Variants in SATB2 observed in about 807,000 individuals in gnomAD.
SATB2 encodes SATB homeobox 2.
In SATB2, 1 loss-of-function variant was observed where a neutral mutation model predicts 73.4. That is an observed-to-expected ratio of 0.01 (90% CI 0.00 to 0.06). SATB2 has a LOEUF of 0.06. Ranked by LOEUF, SATB2 falls within the 10% of genes least tolerant of loss-of-function variation. The pLI is 1.00. For missense variants in SATB2, 459 were observed against 945.8 expected (o/e 0.49, Z 6.75); for synonymous variants, 397 against 367.0 (o/e 1.08, Z -0.93).
At position 199,323,723 on chromosome 2, in the gene SATB2, A is replaced by G. The variant is rs972815817; in HGVS notation, c.1542+80T>C. The stretch of plus-strand genomic sequence containing the variant: ...TTATTACTGTTATTATTATTATAGG[A>G]ACAGATGTATTTTTATTGGTGGAGG... On this transcript the variant is annotated intron_variant, in intron 9 of 10. Coordinates refer to ENST00000417098, the MANE Select transcript of SATB2 (RefSeq NM_001172509.2). The G allele has an allele frequency of 3.4e-5, 46 of 1,348,018 alleles. 1 individual carries two copies. The Middle Eastern group carries it at 7.2e-4, about 21-fold the overall frequency. The allele number at this position is 1,348,018 out of a possible 1,614,324, so 83.5% of individuals were successfully genotyped here. A position where few individuals can be genotyped will look rare whatever the true frequency, so the allele number is the denominator to read the frequency against.
intron 3 of SATB2, among the ~76,000 whole-genome samples, chr2:199,421,667 C>T (rs1301128869): frequency 6.6e-6 from 1 of 152,116 alleles, no homozygotes; most frequent in Non-Finnish European, 1.5e-5. Flanking sequence ...GGAAAATGAA[C>T]AAAATGTGGG....
At chr2:199,381,603 AATAG>A (rs1400961297) in intron 4 of SATB2, 87 bp downstream of exon 4, 4 of 1,518,426 alleles carry the variant, frequency 2.6e-6, no homozygotes, top group Non-Finnish European at 3.7e-6. Flanking sequence ...TCCAGAAATT[AATAG>A]ACAGGACATG....
At chr2:199,344,556 G>A (rs1273460113) in intron 7 of SATB2, among the ~76,000 whole-genome samples, 1 of 152,140 alleles carries the variant, frequency 6.6e-6, no homozygotes, top group Non-Finnish European at 1.5e-5. Context: ...AGAGTCAAGG[G>A]AACAAGAGAT....
rs1040468512 is a variant in SATB2 at position 199,269,713 on chromosome 2, C to T, written c.*2498G>A. 5 of 120,168 alleles carry T rather than the reference C, an allele frequency of 4.2e-5. No homozygotes were observed. The highest frequency in any genetic ancestry group is 2.5e-4 in the East Asian group (1 of 4,028). The allele number at this position is 120,168 out of a possible 1,614,324, so 7.4% of individuals were successfully genotyped here. A position where few individuals can be genotyped will look rare whatever the true frequency, so the allele number is the denominator to read the frequency against. ...TTCATTTCACAAAAAAAAAAAAAGGCGGGAAATTGTGCTTTGTCAAGAGGC... is the reference window on the plus strand; with the variant it reads ...TTCATTTCACAAAAAAAAAAAAAGGTGGGAAATTGTGCTTTGTCAAGAGGC... On this transcript the variant is annotated 3_prime_UTR_variant, in exon 11 of 11. Transcript: ENST00000417098.
chr2:199,317,171 C>T (rs961708), intron 9 of SATB2, among the ~76,000 whole-genome samples: 2,743 of 152,016 alleles, frequency 0.018, 110 homozygotes, highest in African/African-American at 0.062. Flanking sequence ...GCAACTAGGG[C>T]ATGAAATGTA....
At chr2:199,421,918 C>A (rs958876225) in intron 3 of SATB2, among the ~76,000 whole-genome samples, 9 of 152,224 alleles carry the variant, frequency 5.9e-5, no homozygotes, top group Admixed American at 2.6e-4. Context: ...TGTATCTGCA[C>A]ATAAATGTTG....
At chr2:199,279,145 G>T (rs1692405150) in intron 10 of SATB2, among the ~76,000 whole-genome samples, 1 of 152,200 alleles carries the variant, frequency 6.6e-6, no homozygotes, top group Admixed American at 6.5e-5. Flanking sequence ...TGGCAATGAA[G>T]AATGAGAAGT....
chr2:199,312,881 C>T (rs1330188562), intron 9 of SATB2, among the ~76,000 whole-genome samples: 1 of 151,956 alleles, frequency 6.6e-6, no homozygotes, highest in Non-Finnish European at 1.5e-5. Flanking sequence ...CAAACAAACC[C>T]AAACTGAGAA....
At chr2:199,400,606 A>C (rs1389036460) in intron 3 of SATB2, among the ~76,000 whole-genome samples, 1 of 152,248 alleles carries the variant, frequency 6.6e-6, no homozygotes, top group Non-Finnish European at 1.5e-5. Flanking sequence ...ATGGTAAGAC[A>C]ATGATTATAA....
chr2:199,319,392 T>C (rs942120390), intron 9 of SATB2, among the ~76,000 whole-genome samples: 17 of 152,116 alleles, frequency 1.1e-4, no homozygotes. Flanking sequence ...TGGTTCCCTG[T>C]TGGTTCCAAA....
Position 199,321,612 on chromosome 2 carries a change from G to C in SATB2, c.1542+2191C>G, listed in dbSNP as rs146420651. The stretch of plus-strand genomic sequence containing the variant: ...CACACATAGATACACCTTATGGATA[G>C]CCACCAAATATATATGCCATGTACC... On this transcript the variant is annotated intron_variant, in intron 9 of 10. Coordinates refer to ENST00000417098, the MANE Select transcript of SATB2 (RefSeq NM_001172509.2). 6.3e-3 allele frequency among the ~76,000 whole-genome samples: 949 copies of C among 151,174 alleles called. 11 individuals are homozygous for C. Among genetic ancestry groups the C allele is most frequent in the African/African-American group, 0.021 (886 of 41,260 alleles).
chr2:199,329,262 G>C, intron 7 of SATB2: 1 of 293,298 alleles, frequency 3.4e-6, no homozygotes, highest in South Asian at 4.2e-5. Context: ...CTCTCTGCTT[G>C]AAACTGGGAA....
At chr2:199,461,723 G>C (rs368175845), upstream of SATB2, among the ~76,000 whole-genome samples, 1 of 152,112 alleles carries the variant, frequency 6.6e-6, no homozygotes, top group African/African-American at 2.4e-5. Flanking sequence ...GTAAAAGGCC[G>C]CCTGTTTTTC....
intron 3 of SATB2, among the ~76,000 whole-genome samples, chr2:199,428,837 G>A (rs922211886): frequency 4.0e-5 from 6 of 151,818 alleles, no homozygotes; most frequent in Non-Finnish European, 7.4e-5. Flanking sequence ...AGGATACTTC[G>A]TCTCTACAAA....
chr2:199,402,446 T>C (rs1690511067), intron 3 of SATB2, among the ~76,000 whole-genome samples: 1 of 152,010 alleles, frequency 6.6e-6, no homozygotes, highest in African/African-American at 2.4e-5. Flanking sequence ...TAGTCTCAGC[T>C]ACCCGAAAGG....
intron 3 of SATB2, among the ~76,000 whole-genome samples, chr2:199,401,049 C>T (rs929768104): frequency 6.6e-6 from 1 of 152,078 alleles, no homozygotes; most frequent in Non-Finnish European, 1.5e-5. Context: ...ATCTTTTGAA[C>T]ATAAAAAGCT....
In SATB2 at chr2:199,455,956, G is replaced by C. The variant is rs1559066045; in HGVS notation, c.82C>G (p.Pro28Ala). The C allele has an allele frequency of 6.5e-7, 1 of 1,538,744 alleles. No homozygotes were observed. The highest frequency in any genetic ancestry group is 8.7e-7 in the Non-Finnish European group (1 of 1,147,556). ...TGCTCCAGCCGGGCCACCTTCACTG[G>C]GGGAGGCCCCTTGACGTCCGGGCTG... ...SGSPDVKGPP[P>A]VKVARLEQNG... Residue 28 changes from proline (P) to alanine (A), a missense_variant, in exon 2 of 11, where the codon CCA becomes GCA. Coordinates refer to ENST00000417098, the MANE Select transcript of SATB2 (RefSeq NM_001172509.2). The surrounding 1 kb of genome is among the most constrained non-coding windows in gnomAD (Gnocchi z 4.1).
At chr2:199,300,454 T>C (rs1687250719) in intron 10 of SATB2, among the ~76,000 whole-genome samples, 1 of 151,574 alleles carries the variant, frequency 6.6e-6, no homozygotes, top group Non-Finnish European at 1.5e-5. Context: ...AGGAAAAAAC[T>C]ATGAAAACAT....
At chr2:199,367,165 G>A (rs1304776267) in intron 6 of SATB2, among the ~76,000 whole-genome samples, 2 of 152,086 alleles carry the variant, frequency 1.3e-5, no homozygotes, top group Admixed American at 1.3e-4. Flanking sequence ...AAACCTGGAG[G>A]CAACACTTAC....
Sources: allele counts gnomAD v4.1 joint callset (sites outside exome capture counted in the v4.1 genomes callset), GRCh38; gene constraint gnomAD v4.1.1; non-coding constraint Gnocchi (gnomAD v3.1); transcripts MANE v1.5; gene names NCBI Gene and HGNC (gene_info 2026-07-23, HGNC 2026-07-21).